JMJD1C: variants seen among roughly 807,000 people sequenced by gnomAD.
JMJD1C encodes jumonji domain-containing protein 1C.
Under a neutral mutation model 245.3 loss-of-function variants are expected in JMJD1C, and 31 were observed. That is an observed-to-expected ratio of 0.13 (90% CI 0.09 to 0.17). JMJD1C has a LOEUF of 0.17. JMJD1C is among the 10% of genes least tolerant of loss of function. The pLI is 1.00. For synonymous variants in JMJD1C, 1,057 were observed against 1,017.4 expected, an observed-to-expected ratio of 1.04 and a Z score of -0.74; for missense variants, 2,691 against 3,000.2, an observed-to-expected ratio of 0.90 and a Z score of 2.41.
intron 24 of JMJD1C, among the ~76,000 whole-genome samples, chr10:63,174,463 C>T (rs1371448124): frequency 6.6e-6 from 1 of 152,070 alleles, no homozygotes; most frequent in Non-Finnish European, 1.5e-5. Context: ...TTACAGCATA[C>T]TCATAAAAGA....
chr10:63,505,095 G>A lies in JMJD1C; in HGVS notation n.113+16643C>T, dbSNP rs566084139. Among the ~76,000 whole-genome samples the A allele has an allele frequency of 3.7e-4, 57 of 152,204 alleles. 1 individual carries two copies. Among genetic ancestry groups the A allele is most frequent in the Non-Finnish European group, 2.2e-4 (15 of 68,000 alleles). On this transcript the variant is annotated intron_variant and non_coding_transcript_variant, in intron 1 of 3. Coordinates refer to the JMJD1C transcript ENST00000633035. ...TGGGAGGCCTAGGCAGGCGGATCAC[G>A]AGGTCAGGAGATCGAGACCATCCTG...
At chr10:63,396,510 A>G (rs2134655355) in intron 1 of JMJD1C, among the ~76,000 whole-genome samples, 1 of 152,354 alleles carries the variant, frequency 6.6e-6, no homozygotes, top group South Asian at 2.1e-4. Context: ...CCAACTTGAG[A>G]TTAAAGACAT....
chr10:63,486,137 TAAAAAAAAA>T (rs1166721473), intron 1 of JMJD1C, among the ~76,000 whole-genome samples: 1,296 of 73,240 alleles, frequency 0.018, 21 homozygotes, highest in African/African-American at 0.066. Context: ...CAAGCAATTG[TAAAAAAAAA>T]AAAAAAAAAA....
At chr10:63,239,612 T>C (rs1187431688) in intron 3 of JMJD1C, among the ~76,000 whole-genome samples, 1 of 152,130 alleles carries the variant, frequency 6.6e-6, no homozygotes, top group Admixed American at 6.5e-5. Flanking sequence ...ACACGGCTAA[T>C]TTTTGTATTT....
In JMJD1C at chr10:63,214,567, G is replaced by C. The variant is rs1316297882; in HGVS notation, c.1600C>G (p.Leu534Val). 5.0e-6 allele frequency: 8 copies of C among 1,613,816 alleles called. No individual in the cohort carries two copies. The highest frequency in any genetic ancestry group is 5.1e-6 in the Non-Finnish European group (6 of 1,179,948). Residue 534 changes from leucine to valine, a missense_variant, in exon 8 of 26, where the codon CTT becomes GTT. Leu to Val is a conservative substitution (Grantham distance 32). Around this residue, in one of 9 missense-constraint regions of JMJD1C, gnomAD observed 1,562 missense variants for 1,490.7 expected, o/e 1.05. Coordinates refer to ENST00000399262, the MANE Select transcript of JMJD1C (RefSeq NM_032776.3). ...CTAACATTAGGATCCATTTTCTGAA[G>C]TGTCTGAAGGCCAAAGGTACTTGAG... is the stretch of plus-strand genomic sequence containing the variant. ...ENSSTFGLQTLQKMDPNVSDS... is the reference protein window; with the variant it reads ...ENSSTFGLQTVQKMDPNVSDS...
chr10:63,458,651 C>A (rs922921615), intron 1 of JMJD1C, among the ~76,000 whole-genome samples: 1 of 152,084 alleles, frequency 6.6e-6, no homozygotes, highest in African/African-American at 2.4e-5. Context: ...ATCCCTCATC[C>A]AAACTCTTTC....
intron 22 of JMJD1C, among the ~76,000 whole-genome samples, chr10:63,180,799 C>T (rs1165339322): frequency 1.3e-4 from 20 of 148,386 alleles, no homozygotes; most frequent in Non-Finnish European, 1.5e-4. Context: ...GACGGAGTCT[C>T]GCTCTGTCGC....
intron 1 of JMJD1C, chr10:63,428,051 A>C (rs1950541642): frequency 1.7e-6 from 1 of 588,476 alleles, no homozygotes; most frequent in Non-Finnish European, 3.1e-6. Context: ...CAGCCCTAAA[A>C]ATACACACAA....
At chr10:63,470,456 G>A (rs561117693), upstream of JMJD1C, among the ~76,000 whole-genome samples, 2 of 152,116 alleles carry the variant, frequency 1.3e-5, no homozygotes, top group South Asian at 2.1e-4. Flanking sequence ...TTAAGCCTTC[G>A]AAAACATGCT....
At chr10:63,487,422 GAA>G (rs1009867226) in intron 1 of JMJD1C, among the ~76,000 whole-genome samples, 116 of 152,318 alleles carry the variant, frequency 7.6e-4, no homozygotes, top group African/African-American at 2.5e-3. Context: ...CAATCTGCAG[GAA>G]AAGAGTTGCT....
chr10:63,491,559 T>C (rs1589824868), intron 1 of JMJD1C, among the ~76,000 whole-genome samples: 1 of 152,226 alleles, frequency 6.6e-6, no homozygotes, highest in South Asian at 2.1e-4. Context: ...TCCTCTTTCC[T>C]TTCTATCTCC....
At chr10:63,515,442 C>T (rs537635439) in intron 1 of JMJD1C, among the ~76,000 whole-genome samples, 7 of 152,274 alleles carry the variant, frequency 4.6e-5, no homozygotes, top group African/African-American at 1.4e-4. Context: ...CACAAAACTA[C>T]GGGGGCTTCC....
chr10:63,485,831 G>A (rs1953975498), intron 1 of JMJD1C, among the ~76,000 whole-genome samples: 2 of 152,132 alleles, frequency 1.3e-5, no homozygotes, highest in South Asian at 4.1e-4. Flanking sequence ...CTGTATGCCA[G>A]GTACTGTTGC....
chr10:63,188,099 C>G (rs1844343948), intron 18 of JMJD1C, among the ~76,000 whole-genome samples: 1 of 152,322 alleles, frequency 6.6e-6, no homozygotes, highest in South Asian at 2.1e-4. Context: ...TTAGACTAGC[C>G]TTTTTGAACT....
At chr10:63,512,633 G>T (rs1954904319) in intron 1 of JMJD1C, among the ~76,000 whole-genome samples, 1 of 152,058 alleles carries the variant, frequency 6.6e-6, no homozygotes, top group African/African-American at 2.4e-5. Context: ...CTTTACCTTT[G>T]ATTTTCTGAA....
intron 2 of JMJD1C, among the ~76,000 whole-genome samples, chr10:63,342,675 G>A (rs1943481120): frequency 6.6e-6 from 1 of 152,088 alleles, no homozygotes; most frequent in South Asian, 2.1e-4. Flanking sequence ...TTTCTTCACT[G>A]TACTAATGAT....
chr10:63,369,361 C>T (rs992522952), intron 2 of JMJD1C, among the ~76,000 whole-genome samples: 34 of 152,010 alleles, frequency 2.2e-4, no homozygotes, highest in African/African-American at 8.0e-4. Context: ...AGGCTGGTCT[C>T]GAACTCCTAA....
At chr10:63,209,510 A>G (rs1168870292) in intron 8 of JMJD1C, among the ~76,000 whole-genome samples, 1 of 152,200 alleles carries the variant, frequency 6.6e-6, no homozygotes, top group African/African-American at 2.4e-5. Flanking sequence ...AGTGCCTTAA[A>G]TTTACTATAA....
At chr10:63,450,571 A>G (rs1168165176) in intron 1 of JMJD1C, among the ~76,000 whole-genome samples, 1 of 152,232 alleles carries the variant, frequency 6.6e-6, no homozygotes, top group Admixed American at 6.5e-5. Flanking sequence ...TGAAGGGAAA[A>G]AAAATTTTAT....
Sources: allele counts gnomAD v4.1 joint callset (sites outside exome capture counted in the v4.1 genomes callset), GRCh38; gene constraint gnomAD v4.1.1; regional missense constraint gnomAD v4.1.1; transcripts MANE v1.5; gene names NCBI Gene and HGNC (gene_info 2026-07-23, HGNC 2026-07-21).